Variants in SUPT3H observed in about 807,000 individuals in gnomAD.
The protein encoded by SUPT3H is transcription initiation protein SPT3 homolog.
Under a neutral mutation model 44.3 loss-of-function variants are expected in SUPT3H, and 44 were observed. That is an observed-to-expected ratio of 0.99 (90% CI 0.78 to 1.28). The LOEUF is 1.28. SUPT3H is among the 50% of genes most tolerant of loss of function. The probability of loss-of-function intolerance (pLI) is 0.00; values close to 1 mark genes in which losing one functional copy is unlikely to be tolerated. For missense variants in SUPT3H, 380 were observed against 387.1 expected (o/e 0.98, Z 0.15); for synonymous variants, 124 against 125.6 (o/e 0.99, Z 0.09).
chr6:45,356,360 A>T (rs1283135878), intron 2 of SUPT3H, among the ~76,000 whole-genome samples: 1 of 152,104 alleles, frequency 6.6e-6, no homozygotes, highest in Non-Finnish European at 1.5e-5. Context: ...ATATATGTTA[A>T]CATCTTAAAA....
intron 4 of SUPT3H, among the ~76,000 whole-genome samples, chr6:45,019,299 C>T (rs1026683981): frequency 1.3e-5 from 2 of 151,956 alleles, no homozygotes; most frequent in African/African-American, 4.8e-5. Context: ...AAAAAACCAG[C>T]TCCTGGATTC....
At chr6:45,007,851 C>A (rs185238881) in intron 5 of SUPT3H, among the ~76,000 whole-genome samples, 9 of 151,164 alleles carry the variant, frequency 6.0e-5, no homozygotes, top group African/African-American at 1.9e-4. Context: ...ATCTTCCCCT[C>A]CACCAACTCT....
chr6:45,363,107 A>G (rs1236343926), intron 2 of SUPT3H, among the ~76,000 whole-genome samples: 1 of 152,166 alleles, frequency 6.6e-6, no homozygotes, highest in Non-Finnish European at 1.5e-5. Context: ...AAAAGACCAT[A>G]TAGTAAATAT....
chr6:45,211,710 G>A (rs192058106), intron 2 of SUPT3H, among the ~76,000 whole-genome samples: 11 of 152,200 alleles, frequency 7.2e-5, no homozygotes, highest in South Asian at 2.1e-4. Flanking sequence ...TTAGGGGGGC[G>A]TGGTGGCATG....
chr6:45,185,942 A>G (rs1238302409), intron 2 of SUPT3H, among the ~76,000 whole-genome samples: 1 of 152,196 alleles, frequency 6.6e-6, no homozygotes, highest in Non-Finnish European at 1.5e-5. Context: ...CAAAAAGGTG[A>G]AGGAATGCAG....
chr6:45,158,532 A>G (rs978345414), intron 2 of SUPT3H, among the ~76,000 whole-genome samples: 17 of 151,716 alleles, frequency 1.1e-4, no homozygotes, highest in African/African-American at 4.1e-4. Context: ...CCAACCTCAA[A>G]ACATCTGAAC....
chr6:45,337,336 C>T (rs551662589), intron 2 of SUPT3H, among the ~76,000 whole-genome samples: 1 of 151,748 alleles, frequency 6.6e-6, no homozygotes, highest in East Asian at 1.9e-4. Context: ...CCTGTACGTA[C>T]CTCTTCCTTA....
intron 9 of SUPT3H, among the ~76,000 whole-genome samples, chr6:44,946,015 C>T (rs1034996699): frequency 2.6e-4 from 40 of 152,082 alleles, no homozygotes; most frequent in Admixed American, 1.2e-3. Context: ...GTTCATGTAC[C>T]ATTCTAAAAA....
At chr6:45,318,213 T>C (rs141668491) in intron 2 of SUPT3H, among the ~76,000 whole-genome samples, 3 of 152,082 alleles carry the variant, frequency 2.0e-5, no homozygotes, top group African/African-American at 7.2e-5. Context: ...CATACATGTA[T>C]CAGTAAAAAG....
chr6:45,252,984 G>A (rs1277538127), intron 2 of SUPT3H, among the ~76,000 whole-genome samples: 4 of 151,860 alleles, frequency 2.6e-5, no homozygotes, highest in African/African-American at 4.8e-5. Context: ...TATTCATAGA[G>A]GGCTATGAGA....
intron 10 of SUPT3H, among the ~76,000 whole-genome samples, chr6:44,869,419 C>A (rs1775998871): frequency 6.6e-6 from 1 of 152,098 alleles, no homozygotes; most frequent in African/African-American, 2.4e-5. Flanking sequence ...AGCAGTGAAC[C>A]AAGGGCTGAG....
At chr6:45,234,530 C>CAAAAAAAAAAAAAA (rs10713328) in intron 2 of SUPT3H, among the ~76,000 whole-genome samples, 5 of 126,956 alleles carry the variant, frequency 3.9e-5, no homozygotes, top group Admixed American at 8.0e-5. Context: ...GACGCTGTCA[C>CAAAAAAAAAAAAAA]AAAAAAAAAA....
chr6:44,925,969 T>C (rs891692424), intron 10 of SUPT3H, among the ~76,000 whole-genome samples: 2 of 152,186 alleles, frequency 1.3e-5, no homozygotes, highest in African/African-American at 4.8e-5. Flanking sequence ...TTTTAGACCC[T>C]GAGGCCCTTC....
chr6:45,248,846 C>T (rs112859340), intron 2 of SUPT3H, among the ~76,000 whole-genome samples: 1 of 149,494 alleles, frequency 6.7e-6, no homozygotes, highest in Non-Finnish European at 1.5e-5. Context: ...ACCCAAGAGG[C>T]GGAGGTTGCA....
At chr6:44,898,983 G>T (rs1337363912) in intron 10 of SUPT3H, 1 of 152,078 alleles carries the variant, frequency 6.6e-6, no homozygotes, top group Non-Finnish European at 1.5e-5. Flanking sequence ...TGAAAACTCT[G>T]CCCCCCTCCC....
intron 3 of SUPT3H, among the ~76,000 whole-genome samples, chr6:45,068,489 A>G (rs529002484): frequency 5.8e-4 from 89 of 152,182 alleles, no homozygotes; most frequent in Non-Finnish European, 1.0e-3. Flanking sequence ...AAAGATAGGG[A>G]TGGGTAGAGA....
At chr6:45,072,023 T>C (rs1794456017) in intron 3 of SUPT3H, among the ~76,000 whole-genome samples, 1 of 152,210 alleles carries the variant, frequency 6.6e-6, no homozygotes, top group African/African-American at 2.4e-5. Flanking sequence ...TATGCTTTAA[T>C]ATATATGACA....
intron 2 of SUPT3H, among the ~76,000 whole-genome samples, chr6:45,281,155 C>A (rs564930694): frequency 4.6e-5 from 7 of 152,308 alleles, no homozygotes; most frequent in Admixed American, 2.6e-4. Flanking sequence ...GTCTACAGCT[C>A]CCAGCATGAG....
chr6:45,175,644 G>A (rs1440399984), intron 2 of SUPT3H, among the ~76,000 whole-genome samples: 1 of 152,080 alleles, frequency 6.6e-6, no homozygotes, highest in Non-Finnish European at 1.5e-5. Context: ...TAAACTAACA[G>A]ATTTTGAAGG....
Sources: gnomAD v4.1 joint callset for allele counts (sites outside exome capture counted in the v4.1 genomes callset) on GRCh38, gnomAD v4.1.1 for gene constraint, MANE v1.5 for transcripts, NCBI Gene and HGNC (gene_info 2026-07-23, HGNC 2026-07-21) for gene names.